Variants in CCDC175 observed in about 807,000 individuals in gnomAD.
CCDC175 encodes coiled-coil domain-containing protein 175.
CCDC175 carries 100 observed loss-of-function variants against 114.6 expected under a neutral mutation model. The observed-to-expected ratio is 0.87, with a 90% CI of 0.74 to 1.03. The LOEUF (loss-of-function observed/expected upper bound fraction) is 1.03. Ranked by LOEUF, CCDC175 falls within the 50% of genes least tolerant of loss-of-function variation. The pLI is 0.00. For missense variants in CCDC175, 880 were observed against 917.8 expected (o/e 0.96, Z 0.53); for synonymous variants, 306 against 308.7 (o/e 0.99, Z 0.09).
chr14:59,572,520 T>C (rs550120817), intron 3 of CCDC175, among the ~76,000 whole-genome samples, 182 bp downstream of exon 3: 20 of 152,326 alleles, frequency 1.3e-4, no homozygotes, highest in African/African-American at 4.6e-4. Flanking sequence ...ATTCAAGTGT[T>C]ATATATACTA....
chr14:59,519,739 G>T (rs1477841845), intron 17 of CCDC175, among the ~76,000 whole-genome samples: 1 of 152,196 alleles, frequency 6.6e-6, no homozygotes, highest in Middle Eastern at 3.2e-3. Context: ...GAGAGGTGGT[G>T]GCTATGACCC....
At chr14:59,534,636 T>C (rs558287426) in intron 13 of CCDC175, among the ~76,000 whole-genome samples, 12 of 152,320 alleles carry the variant, frequency 7.9e-5, no homozygotes, top group Admixed American at 5.9e-4. Flanking sequence ...AATTCTGCCA[T>C]ATACGGGGCT....
chr14:59,563,704 G>A, intron 6 of CCDC175, 33 bp downstream of exon 6: 1 of 1,274,698 alleles, frequency 7.8e-7, no homozygotes, highest in Non-Finnish European at 1.0e-6. Context: ...CCTAGATAAG[G>A]CTTAAAAATA....
chr14:59,538,725 G>C lies in CCDC175; in HGVS notation c.1471C>G (p.Arg491Gly). ...TEKIQNAEVR[R>G]IELLNETSFR... ...CTTACCTCGTTAAGTAATTCAATTC[G>C]TCTAACTTCTGCATTCTGAATTTTT... Residue 491 changes from arginine to glycine, a missense_variant, in exon 12 of 20, where the codon CGA (arginine) becomes GGA (glycine). By Grantham distance (125) the Arg-to-Gly change is moderately radical. Coordinates refer to ENST00000537690, the MANE Select transcript of CCDC175 (RefSeq NM_001164399.2). 2.0e-6 allele frequency: 3 copies of C among 1,535,420 alleles called. No homozygotes were observed. Among genetic ancestry groups the C allele is most frequent in the Non-Finnish European group, 2.6e-6 (3 of 1,146,128 alleles).
In CCDC175 at chr14:59,540,328, A is replaced by C. The variant is rs776164257; in HGVS notation, c.1355+347T>G. Among the ~76,000 whole-genome samples, 154 of 152,168 alleles carry C rather than the reference A, an allele frequency of 1.0e-3. 2 individuals are homozygous for C. The highest frequency in any genetic ancestry group is 4.6e-4 in the Non-Finnish European group (31 of 68,030). ...AGCAACCAAAGCAGGCCATCTGCAG[A>C]GCCAGTAGCCTTCACGCCACCTTCC... On this transcript the variant is annotated intron_variant, in intron 11 of 19. Coordinates refer to ENST00000537690, the MANE Select transcript of CCDC175 (RefSeq NM_001164399.2).
intron 19 of CCDC175, chr14:59,505,528 T>C (rs1892301944): frequency 3.0e-6 from 1 of 328,944 alleles, no homozygotes; most frequent in Non-Finnish European, 5.5e-6. Context: ...TTTTTTCATA[T>C]GTCCTGTTCT....
At chr14:59,540,784 A>G (rs1444056615) in intron 10 of CCDC175, 38 bp from the exon 11 acceptor site, 4 of 1,465,810 alleles carry the variant, frequency 2.7e-6, no homozygotes, top group Admixed American at 2.2e-5. Context: ...CATTTATGGG[A>G]GCTGTTAGAA....
chr14:59,517,973 A>T (rs1291456524), intron 17 of CCDC175, among the ~76,000 whole-genome samples: 1 of 152,172 alleles, frequency 6.6e-6, no homozygotes, highest in Non-Finnish European at 1.5e-5. Context: ...CAAAACAGAG[A>T]TATAGAGCAA....
rs45519539 is a variant in CCDC175, at chr14:59,568,217, C to A, written c.491+28G>T. On this transcript the variant is annotated intron_variant, in intron 4 of 19. Coordinates refer to ENST00000537690, the MANE Select transcript of CCDC175 (RefSeq NM_001164399.2). Reference sequence around the variant, plus strand: ...CACTCCAGCCTCAGACCCCTGCTCCCTCAAATACTGAATATAAGAATACCT... The same window carrying A: ...CACTCCAGCCTCAGACCCCTGCTCCATCAAATACTGAATATAAGAATACCT... The A allele has an allele frequency of 1.1e-3, 1,737 of 1,514,714 alleles. 5 individuals are homozygous for A. The highest frequency in any genetic ancestry group is 3.9e-3 in the Middle Eastern group (23 of 5,874). The allele number at this position is 1,514,714 out of a possible 1,614,324, so 93.8% of individuals were successfully genotyped here. A position where few individuals can be genotyped will look rare whatever the true frequency, so the allele number is the denominator to read the frequency against.
intron 7 of CCDC175, among the ~76,000 whole-genome samples, 173 bp from the exon 8 acceptor site, chr14:59,551,609 TGGACAGTGGGTGCA>T (rs1452586500): frequency 2.0e-5 from 3 of 152,134 alleles, no homozygotes; most frequent in East Asian, 1.9e-4. Context: ...TGGGGCGTGT[TGGACAGTGGGTGCA>T]GGACAGTGGG....
At chr14:59,528,696 A>C (rs554900544) in intron 14 of CCDC175, among the ~76,000 whole-genome samples, 1 of 152,146 alleles carries the variant, frequency 6.6e-6, no homozygotes, top group African/African-American at 2.4e-5. Context: ...TGTTTGGTAG[A>C]TATTTGGCAT....
chr14:59,545,235 A>G lies in CCDC175; in HGVS notation c.1100T>C (p.Leu367Pro). 6.5e-7 allele frequency: 1 copy of G among 1,536,930 alleles called. No individual in the cohort carries two copies. Among genetic ancestry groups the G allele is most frequent in the Non-Finnish European group, 8.7e-7 (1 of 1,146,718 alleles). The change falls in exon 9 of 20, where the codon CTT becomes CCT. Residue 367 changes from leucine (L) to proline (P), a missense_variant. Leu to Pro is a moderately conservative substitution (Grantham distance 98). Coordinates refer to ENST00000537690, the MANE Select transcript of CCDC175 (RefSeq NM_001164399.2). ...TAAAACAATCTTATATTGTCTGGCA[A>G]GAGTTTTCATTTTCTCTCGTAGGTC... ...YKDLREKMKT[L>P]ARQYKIVLSE... is the part of the protein sequence containing the mutation.
intron 19 of CCDC175, among the ~76,000 whole-genome samples, chr14:59,508,399 T>TACACACACACAC (rs71451066): frequency 0.11 from 11,174 of 97,196 alleles, 1,119 homozygotes; most frequent in Non-Finnish European, 0.14. Context: ...GTCTCCAAAA[T>TACACACACACAC]ACACACACAC....
chr14:59,527,149 C>A lies in CCDC175; in HGVS notation c.1788G>T (p.Leu596=). The A allele has an allele frequency of 6.7e-7, 1 of 1,495,474 alleles. No homozygotes were observed. The allele number at this position is 1,495,474 out of a possible 1,614,324, so 92.6% of individuals were successfully genotyped here. ...TTGTAAACAGAAAAATGTGATTGTT[C>A]AGTAAATCTTCCTCCTGTCTTTGTG... The part of the protein sequence containing the change: ...ITAQRQEEDL[L]NNHIFLFTRD... Residue 596 remains leucine (L), a synonymous_variant, in exon 15 of 20, where the codon CTG becomes CTT. Coordinates refer to ENST00000537690, the MANE Select transcript of CCDC175 (RefSeq NM_001164399.2).
chr14:59,515,026 A>T (rs370931511), intron 17 of CCDC175, among the ~76,000 whole-genome samples: 1 of 152,182 alleles, frequency 6.6e-6, no homozygotes, highest in Non-Finnish European at 1.5e-5. Flanking sequence ...ATTCTTAAAG[A>T]AAAGAATTTT....
intron 16 of CCDC175, among the ~76,000 whole-genome samples, chr14:59,524,775 C>A (rs1234196609): frequency 6.6e-6 from 1 of 152,138 alleles, no homozygotes; most frequent in Non-Finnish European, 1.5e-5. Flanking sequence ...ATGTTCACAG[C>A]AATACTATTT....
At chr14:59,529,301 C>T (rs1893930036) in intron 14 of CCDC175, among the ~76,000 whole-genome samples, 1 of 152,172 alleles carries the variant, frequency 6.6e-6, no homozygotes, top group African/African-American at 2.4e-5. Context: ...AGTACAGTAC[C>T]TGTCTTCTGC....
At position 59,540,748 on chromosome 14, in the gene CCDC175, TA is replaced by T; in HGVS notation, c.1284-3del. ...TGCTGATACACTGTTTTTGTTGCTC[TA>T]AAAAGAAAAACATATTGGATTTTGC... On this transcript the variant is annotated splice_region_variant and splice_polypyrimidine_tract_variant and intron_variant, in intron 10 of 19. Coordinates refer to ENST00000537690, the MANE Select transcript of CCDC175 (RefSeq NM_001164399.2). 6.5e-7 allele frequency: 1 copy of T among 1,529,296 alleles called. No individual in the cohort carries two copies. Among genetic ancestry groups the T allele is most frequent in the South Asian group, 1.2e-5 (1 of 82,928 alleles). The allele number at this position is 1,529,296 out of a possible 1,614,324, so 94.7% of individuals were successfully genotyped here. A position where few individuals can be genotyped will look rare whatever the true frequency, so the allele number is the denominator to read the frequency against.
At chr14:59,535,482 T>A (rs1213211847) in intron 13 of CCDC175, among the ~76,000 whole-genome samples, 1 of 152,240 alleles carries the variant, frequency 6.6e-6, no homozygotes, top group African/African-American at 2.4e-5. Flanking sequence ...CCAGTAGGCA[T>A]GATGGTAAAA....
Sources: gnomAD v4.1 joint callset for allele counts (sites outside exome capture counted in the v4.1 genomes callset) on GRCh38, gnomAD v4.1.1 for gene constraint, MANE v1.5 for transcripts, NCBI Gene and HGNC (gene_info 2026-07-23, HGNC 2026-07-21) for gene names.